Variants in CYP2C18 observed in about 807,000 individuals in gnomAD.
The protein encoded by CYP2C18 is cytochrome P450 family 2 subfamily C member 18.
Under a neutral mutation model 41.3 loss-of-function variants are expected in CYP2C18, and 38 were observed. The observed-to-expected ratio is 0.92, with a 90% CI of 0.71 to 1.21. CYP2C18 has a LOEUF of 1.21. Among genes scored for constraint, CYP2C18 ranks in the 50% most tolerant of loss-of-function variants. CYP2C18 has a pLI of 0.00. For synonymous variants in CYP2C18, 236 were observed against 210.0 expected (o/e 1.12, Z -1.07); for missense variants, 635 against 591.4 (o/e 1.07, Z -0.77).
At chr10:94,685,330 GA>G (rs142943032) in intron 1 of CYP2C18, among the ~76,000 whole-genome samples, 5,361 of 152,118 alleles carry the variant, frequency 0.035, 306 homozygotes, top group African/African-American at 0.12. Flanking sequence ...CATTGCACTT[GA>G]CCCCTTTGCT....
chr10:94,728,096 A>G (rs1002472880), intron 7 of CYP2C18, among the ~76,000 whole-genome samples: 1 of 151,986 alleles, frequency 6.6e-6, no homozygotes, highest in African/African-American at 2.4e-5. Flanking sequence ...TAATTTGGTT[A>G]TCTTGTTTTG....
chr10:94,733,824 G>A (rs1847874873), intron 8 of CYP2C18, among the ~76,000 whole-genome samples: 1 of 152,048 alleles, frequency 6.6e-6, no homozygotes, highest in Non-Finnish European at 1.5e-5. Flanking sequence ...TAGCTCCCTA[G>A]ACTGAGCTCT....
intron 5 of CYP2C18, among the ~76,000 whole-genome samples, chr10:94,714,411 C>A (rs954610479): frequency 6.6e-6 from 1 of 152,124 alleles, no homozygotes; most frequent in African/African-American, 2.4e-5. Flanking sequence ...GCCAGTTTTC[C>A]CAGTACCATT....
intron 7 of CYP2C18, 107 bp from the exon 8 acceptor site, chr10:94,733,190 C>G: frequency 8.8e-7 from 1 of 1,134,400 alleles, no homozygotes; most frequent in Admixed American, 2.3e-5. Context: ...CTTTGGACCT[C>G]AATTTTCTTA....
chr10:94,684,418 T>A (rs1846846829), intron 1 of CYP2C18, among the ~76,000 whole-genome samples: 1 of 152,180 alleles, frequency 6.6e-6, no homozygotes, highest in African/African-American at 2.4e-5. Context: ...TTTAACTTTT[T>A]AAGATTCCAC....
chr10:94,701,363 G>A (rs529433976), intron 4 of CYP2C18, among the ~76,000 whole-genome samples: 95 of 152,076 alleles, frequency 6.2e-4, no homozygotes, highest in Admixed American at 3.6e-3. Flanking sequence ...GCAAACTATC[G>A]CAAGGACAAA....
At chr10:94,722,962 T>C (rs1023994063) in intron 6 of CYP2C18, among the ~76,000 whole-genome samples, 1 of 152,072 alleles carries the variant, frequency 6.6e-6, no homozygotes, top group African/African-American at 2.4e-5. Flanking sequence ...TCCAGCAAAG[T>C]GAATGAAATG....
At chr10:94,715,062 C>A (rs963717589) in intron 5 of CYP2C18, among the ~76,000 whole-genome samples, 5 of 152,084 alleles carry the variant, frequency 3.3e-5, no homozygotes, top group Non-Finnish European at 7.4e-5. Context: ...TTCTTATCAG[C>A]TTTTTGGAGA....
chr10:94,734,026 A>G (rs1275962345), intron 8 of CYP2C18, among the ~76,000 whole-genome samples: 2 of 152,110 alleles, frequency 1.3e-5, no homozygotes, highest in African/African-American at 4.8e-5. Context: ...TACCACTTCC[A>G]AGAGGAAGGA....
chr10:94,715,709 G>A (rs1372218198), intron 5 of CYP2C18, among the ~76,000 whole-genome samples: 2 of 152,150 alleles, frequency 1.3e-5, no homozygotes, highest in Non-Finnish European at 2.9e-5. Context: ...AATGCATTAG[G>A]GAGGATTCCC....
At chr10:94,697,099 G>A (rs149237461) in intron 4 of CYP2C18, among the ~76,000 whole-genome samples, 1,850 of 152,234 alleles carry the variant, frequency 0.012, 55 homozygotes, top group African/African-American at 0.043. Flanking sequence ...AGCAAGGCAG[G>A]CCAATATTCA....
chr10:94,734,294 C>A (rs1038755566), intron 8 of CYP2C18, among the ~76,000 whole-genome samples: 1 of 152,146 alleles, frequency 6.6e-6, no homozygotes, highest in African/African-American at 2.4e-5. Context: ...TGTGGTGAGT[C>A]TGTGGACATA....
At chr10:94,694,869 T>C (rs760317420) in intron 3 of CYP2C18, 48 bp from the exon 4 acceptor site, 4 of 1,573,298 alleles carry the variant, frequency 2.5e-6, no homozygotes, top group Non-Finnish European at 3.5e-6. Context: ...GACAAAGTAT[T>C]TTATATGTAT....
At position 94,691,954 on chromosome 10, in the gene CYP2C18, G is replaced by C. The variant is rs185944777; in HGVS notation, c.482-2963G>C. The stretch of plus-strand genomic sequence containing the variant: ...TTCCCTATTTAATAAATGGTGCTGG[G>C]AAAACTGGCTAGCCATATGTAGAAA... On this transcript the variant is annotated intron_variant, in intron 3 of 8. Coordinates refer to ENST00000285979, the MANE Select transcript of CYP2C18 (RefSeq NM_000772.3). Among the ~76,000 whole-genome samples, 13 of 152,264 alleles carry C rather than the reference G, an allele frequency of 8.5e-5. No individual in the cohort carries two copies. In the South Asian group the frequency reaches 2.7e-3, roughly 32 times the overall value.
At position 94,724,527 on chromosome 10, in the gene CYP2C18, C is replaced by T. The variant is rs752963721; in HGVS notation, c.1143C>T (p.Ile381=). The part of the protein sequence containing the change: ...TCDVKFKNYL[I]PKGTTIITSL... ...ATGTTAAATTCAAAAACTACCTCAT[C>T]CCCAAGGTAAGCTTGTTTCTCCTAC... Residue 381 remains isoleucine, a synonymous_variant, in exon 7 of 9, where the codon ATC becomes ATT. Coordinates refer to ENST00000285979, the MANE Select transcript of CYP2C18 (RefSeq NM_000772.3). 32 of 1,613,230 alleles carry T rather than the reference C, an allele frequency of 2.0e-5. No individual in the cohort carries two copies. The highest frequency in any genetic ancestry group is 2.7e-5 in the Non-Finnish European group (32 of 1,179,396).
intron 6 of CYP2C18, among the ~76,000 whole-genome samples, chr10:94,721,902 A>C (rs1847652466): frequency 6.8e-6 from 1 of 146,348 alleles, no homozygotes; most frequent in Non-Finnish European, 1.5e-5. Flanking sequence ...TAATCCATTC[A>C]TCTGTTGATG....
At position 94,723,734 on chromosome 10, in the gene CYP2C18, A is replaced by G. The variant is rs369089996; in HGVS notation, c.962-612A>G. On this transcript the variant is annotated intron_variant, in intron 6 of 8. Transcript: ENST00000285979. ...TTTGTTATGGGGTGATGATGGAGAT[A>G]TAAGTCCTCATCTTTCTTACCATGA... 5.9e-5 allele frequency among the ~76,000 whole-genome samples: 9 copies of G among 152,130 alleles called. No homozygotes were observed. In the East Asian group the frequency reaches 7.7e-4, roughly 13 times the overall value.
At chr10:94,701,308 T>C (rs1847239330) in intron 4 of CYP2C18, among the ~76,000 whole-genome samples, 1 of 152,216 alleles carries the variant, frequency 6.6e-6, no homozygotes, top group Non-Finnish European at 1.5e-5. Context: ...GATGAGTTCA[T>C]GTCCTTTGTA....
chr10:94,735,589 C>T lies in CYP2C18; in HGVS notation c.*145C>T, dbSNP rs955384499. Reference sequence around the variant, plus strand: ...TCCCATTCCCTCAAGATCCAATGAACATCCAACCTCCATTAAAGAGAGTTT... The same window carrying T: ...TCCCATTCCCTCAAGATCCAATGAATATCCAACCTCCATTAAAGAGAGTTT... On this transcript the variant is annotated 3_prime_UTR_variant, in exon 9 of 9. Transcript: ENST00000285979. 1 of 763,884 alleles carries T rather than the reference C, an allele frequency of 1.3e-6. No homozygotes were observed. Among genetic ancestry groups the T allele is most frequent in the Non-Finnish European group, 2.2e-6 (1 of 464,790 alleles). The allele number at this position is 763,884 out of a possible 1,614,324, so 47.3% of individuals were successfully genotyped here. A position where few individuals can be genotyped will look rare whatever the true frequency, so the allele number is the denominator to read the frequency against.
Sources: gnomAD v4.1 joint callset for allele counts (sites outside exome capture counted in the v4.1 genomes callset) on GRCh38, gnomAD v4.1.1 for gene constraint, MANE v1.5 for transcripts, NCBI Gene and HGNC (gene_info 2026-07-23, HGNC 2026-07-21) for gene names.